RARS2: variants seen among roughly 807,000 people sequenced by gnomAD.
RARS2 encodes the protein arginyl-tRNA synthetase 2, mitochondrial, also known as probable arginine--tRNA ligase, mitochondrial.
Under a neutral mutation model 88.5 loss-of-function variants are expected in RARS2, and 67 were observed. The ratio of observed to expected loss-of-function variants is 0.76; its 90% CI spans 0.62 to 0.93. The LOEUF is 0.93. Ranked by LOEUF, RARS2 falls within the 40% of genes least tolerant of loss-of-function variation. The probability of loss-of-function intolerance (pLI) is 0.00; values close to 1 mark genes in which losing one functional copy is unlikely to be tolerated. For missense variants in RARS2, 664 were observed against 684.2 expected, an observed-to-expected ratio of 0.97 and a Z score of 0.33; for synonymous variants, 239 against 230.3, an observed-to-expected ratio of 1.04 and a Z score of -0.34.
rs183774123 is a variant in RARS2 at position 87,529,448 on chromosome 6, G to A, written c.878+94C>T. On this transcript the variant is annotated intron_variant, in intron 10 of 19. Transcript: ENST00000369536. ...CACTATAAAAAATCCCAAGAAAGCT[G>A]CACATTGCATTCTGTTGTCCTTACT... The A allele has an allele frequency of 7.6e-3, 6,426 of 842,220 alleles. 53 individuals carry two copies. The highest frequency in any genetic ancestry group is 0.015 in the South Asian group (1,119 of 73,044). 52.2% of individuals were successfully genotyped at this position (842,220 alleles called of 1,614,324 possible).
rs1777242581 is a variant in RARS2, at chr6:87,530,779, A to G, written c.771+5T>C. The G allele has an allele frequency of 2.5e-6, 4 of 1,614,172 alleles. No individual in the cohort carries two copies. Among genetic ancestry groups the G allele is most frequent in the East Asian group, 2.2e-5 (1 of 44,878 alleles). On this transcript the variant is annotated splice_donor_5th_base_variant and intron_variant, in intron 9 of 19. Transcript: ENST00000369536. ...GGGAAAGCAGAAGGGAGGGTCAACC[A>G]ATACCTTGTAAACCCGAATGTACTC...
rs71018102 is a variant in RARS2 at position 87,580,591 on chromosome 6, CA to C, written c.36+9330del. Among the ~76,000 whole-genome samples, 212 of 136,604 alleles carry C rather than the reference CA, an allele frequency of 1.6e-3. 1 individual carries two copies. Among genetic ancestry groups the C allele is most frequent in the Non-Finnish European group, 1.9e-3 (124 of 63,648 alleles). The allele number at this position is 136,604 out of a possible 152,430, so 89.6% of individuals were successfully genotyped here. On this transcript the variant is annotated intron_variant, in intron 1 of 19. Coordinates refer to ENST00000369536, the MANE Select transcript of RARS2 (RefSeq NM_020320.5). ...GGAATTTGAGAGTGAAACCCTGTCTCAAAAAAAAAAAAAGGACTTTTTTTTA... is the reference window on the plus strand; with the variant it reads ...GGAATTTGAGAGTGAAACCCTGTCTCAAAAAAAAAAAAGGACTTTTTTTTA...
chr6:87,567,945 G>A (rs904985126), intron 2 of RARS2, among the ~76,000 whole-genome samples: 1 of 152,008 alleles, frequency 6.6e-6, no homozygotes, highest in African/African-American at 2.4e-5. Flanking sequence ...CTAATTTTTT[G>A]TATTTCTAGT....
At chr6:87,518,551 G>A in intron 16 of RARS2, 79 bp downstream of exon 16, 1 of 1,437,640 alleles carries the variant, frequency 7.0e-7, no homozygotes, top group Non-Finnish European at 9.7e-7. Flanking sequence ...CAGAAAACAG[G>A]GCCTCTGGTC....
rs572938209 is a variant in RARS2, at chr6:87,534,209, GCAAA to G, written c.613-3271_613-3268del. ...AATTAAAATTGAATGTATCAATACT[GCAAA>G]CAGTTAATAATAAAGCCAAAATGTG... On this transcript the variant is annotated intron_variant, in intron 8 of 19. Coordinates refer to ENST00000369536, the MANE Select transcript of RARS2 (RefSeq NM_020320.5). Among the ~76,000 whole-genome samples the G allele has an allele frequency of 2.5e-3, 374 of 152,214 alleles. 1 individual carries two copies. The highest frequency in any genetic ancestry group is 4.4e-3 in the Non-Finnish European group (297 of 68,002).
intron 5 of RARS2, among the ~76,000 whole-genome samples, chr6:87,551,535 C>T (rs957723525): frequency 2.2e-5 from 3 of 137,262 alleles, no homozygotes; most frequent in Non-Finnish European, 3.0e-5. Context: ...GAGGCTGAGG[C>T]AGGAGAATTG....
intron 5 of RARS2, among the ~76,000 whole-genome samples, chr6:87,552,221 G>A (rs1343577806): frequency 1.3e-5 from 2 of 152,008 alleles, no homozygotes; most frequent in East Asian, 1.9e-4. Flanking sequence ...TGTTTTCTGG[G>A]GAATGTTGCT....
intron 5 of RARS2, among the ~76,000 whole-genome samples, chr6:87,553,789 T>C (rs1436284710): frequency 2.0e-5 from 3 of 152,224 alleles, no homozygotes; most frequent in African/African-American, 7.2e-5. Context: ...ATGCAACAAA[T>C]ATTTAAACTC....
intron 7 of RARS2, among the ~76,000 whole-genome samples, 188 bp downstream of exon 7, chr6:87,545,428 T>C (rs149702850): frequency 1.3e-5 from 2 of 151,766 alleles, no homozygotes; most frequent in East Asian, 1.9e-4. Context: ...CAAAGGTAAC[T>C]TGTGTGGTGA....
chr6:87,568,237 C>CTTG (rs1475788891), intron 2 of RARS2, among the ~76,000 whole-genome samples: 1 of 152,198 alleles, frequency 6.6e-6, no homozygotes, highest in Non-Finnish European at 1.5e-5. Flanking sequence ...GTGGTTCATA[C>CTTG]TTGTAATCCC....
chr6:87,524,538 C>T lies in RARS2; in HGVS notation c.974+19G>A. On this transcript the variant is annotated intron_variant, in intron 11 of 19. Coordinates refer to ENST00000369536, the MANE Select transcript of RARS2 (RefSeq NM_020320.5). ...AACAGATTTAGAACCAAATGTTGAC[C>T]CTCACAGAGGCTACAAACCTGGTTG... 1 of 1,563,108 alleles carries T rather than the reference C, an allele frequency of 6.4e-7. No individual in the cohort carries two copies. The highest frequency in any genetic ancestry group is 8.8e-7 in the Non-Finnish European group (1 of 1,134,004).
intron 10 of RARS2, among the ~76,000 whole-genome samples, chr6:87,525,184 G>C (rs915063203): frequency 6.6e-6 from 1 of 152,192 alleles, no homozygotes; most frequent in Non-Finnish European, 1.5e-5. Flanking sequence ...TATGACAGGA[G>C]AAAGTTTGCT....
At chr6:87,552,423 G>A (rs1206935143) in intron 5 of RARS2, among the ~76,000 whole-genome samples, 1 of 152,180 alleles carries the variant, frequency 6.6e-6, no homozygotes, top group East Asian at 1.9e-4. Flanking sequence ...AATGCCACAT[G>A]TGAACTGTCA....
At chr6:87,584,108 C>A (rs529950850) in intron 1 of RARS2, among the ~76,000 whole-genome samples, 1 of 152,188 alleles carries the variant, frequency 6.6e-6, no homozygotes, top group Non-Finnish European at 1.5e-5. Flanking sequence ...AAAGGGCAGG[C>A]ATGCTTACTG....
intron 2 of RARS2, among the ~76,000 whole-genome samples, chr6:87,566,149 G>GA (rs544003576): frequency 6.3e-4 from 95 of 151,590 alleles, no homozygotes; most frequent in African/African-American, 2.0e-3. Flanking sequence ...CAATCTCTAA[G>GA]AAAAAAAATT....
At chr6:87,550,995 A>T (rs1388440802) in intron 5 of RARS2, among the ~76,000 whole-genome samples, 3 of 152,080 alleles carry the variant, frequency 2.0e-5, no homozygotes, top group Admixed American at 1.3e-4. Flanking sequence ...CTGAATTTTT[A>T]AAAAACTAGG....
At chr6:87,575,209 C>A (rs926930348) in intron 1 of RARS2, among the ~76,000 whole-genome samples, 1 of 138,698 alleles carries the variant, frequency 7.2e-6, no homozygotes, top group Admixed American at 7.6e-5. Context: ...CAGAGATGAA[C>A]CCTAAAAAAT....
chr6:87,540,458 A>C (rs1038999755), intron 8 of RARS2, among the ~76,000 whole-genome samples: 2 of 151,830 alleles, frequency 1.3e-5, no homozygotes, highest in African/African-American at 2.4e-5. Context: ...AAAAAAAAAA[A>C]AAAAAAAAAA....
chr6:87,565,731 T>A (rs553538522), intron 2 of RARS2, among the ~76,000 whole-genome samples: 1 of 152,230 alleles, frequency 6.6e-6, no homozygotes, highest in Non-Finnish European at 1.5e-5. Context: ...TCTATATAAC[T>A]ACTCACACTA....
Sources: gnomAD v4.1 joint callset for allele counts (sites outside exome capture counted in the v4.1 genomes callset) on GRCh38, gnomAD v4.1.1 for gene constraint, MANE v1.5 for transcripts, NCBI Gene and HGNC (gene_info 2026-07-23, HGNC 2026-07-21) for gene names.